Variants in RAD51B observed in about 807,000 individuals in gnomAD.
RAD51B encodes DNA repair protein RAD51 homolog 2.
Under a neutral mutation model 42.2 loss-of-function variants are expected in RAD51B, and 38 were observed. That is an observed-to-expected ratio of 0.90 (90% confidence interval 0.70 to 1.18). RAD51B has a LOEUF of 1.18. Among genes scored for constraint, RAD51B ranks in the 50% most tolerant of loss-of-function variants. The pLI, the probability that RAD51B is intolerant of heterozygous loss-of-function variation, is 0.00. For missense variants in RAD51B, 373 were observed against 400.7 expected (o/e 0.93, Z 0.59); for synonymous variants, 154 against 145.2 (o/e 1.06, Z -0.43).
intron 4 of RAD51B, among the ~76,000 whole-genome samples, chr14:67,862,114 CTAGAAGAG>C (rs925076305): frequency 6.6e-6 from 1 of 151,588 alleles, no homozygotes; most frequent in Non-Finnish European, 1.5e-5. Context: ...TTTCAAATTG[CTAGAAGAG>C]TAGATTTTAA....
At chr14:67,968,171 C>T (rs1376085997) in intron 7 of RAD51B, among the ~76,000 whole-genome samples, 1 of 152,204 alleles carries the variant, frequency 6.6e-6, no homozygotes, top group East Asian at 1.9e-4. Context: ...GCACCAAGTC[C>T]CTAGGCTGCA....
chr14:68,353,308 T>C (rs75483291), intron 8 of RAD51B, among the ~76,000 whole-genome samples: 2,378 of 152,196 alleles, frequency 0.016, 58 homozygotes, highest in African/African-American at 0.055. Context: ...TTGGGGGTAA[T>C]AGTGGATTTA....
intron 7 of RAD51B, among the ~76,000 whole-genome samples, chr14:68,016,360 A>G (rs751431625): frequency 1.3e-5 from 2 of 152,124 alleles, no homozygotes; most frequent in Non-Finnish European, 2.9e-5. Flanking sequence ...CACCAACATG[A>G]TACAACTAGA....
chr14:68,522,596 T>G (rs953993280), intron 10 of RAD51B, among the ~76,000 whole-genome samples: 2 of 152,192 alleles, frequency 1.3e-5, no homozygotes, highest in African/African-American at 2.4e-5. Flanking sequence ...CCGGCTCGTG[T>G]GTGGAAGACA....
intron 4 of RAD51B, among the ~76,000 whole-genome samples, chr14:67,856,755 C>T (rs937013026): frequency 6.6e-6 from 1 of 152,034 alleles, no homozygotes; most frequent in African/African-American, 2.4e-5. Flanking sequence ...TACAATTAGA[C>T]CTTTTCTTGG....
At chr14:68,098,239 T>C (rs1451187472) in intron 7 of RAD51B, among the ~76,000 whole-genome samples, 1 of 152,256 alleles carries the variant, frequency 6.6e-6, no homozygotes, top group Non-Finnish European at 1.5e-5. Flanking sequence ...AATAAGTCTG[T>C]AGCTTATAGT....
At chr14:68,627,027 C>T (rs1275698344) in intron 10 of RAD51B, 1 of 152,192 alleles carries the variant, frequency 6.6e-6, no homozygotes, top group African/African-American at 2.4e-5. Flanking sequence ...GTTTTCTTAC[C>T]TCATACCCCA....
At chr14:68,391,136 G>GTCTGTCTTTCTTTCTTTCTT (rs1555402752) in intron 8 of RAD51B, among the ~76,000 whole-genome samples, 5 of 141,558 alleles carry the variant, frequency 3.5e-5, no homozygotes, top group Non-Finnish European at 6.1e-5. Context: ...TATGAGACTT[G>GTCTGTCTTTCTTTCTTTCTT]TCTTTCTTTC....
At chr14:68,166,556 A>G (rs1391757598) in intron 7 of RAD51B, among the ~76,000 whole-genome samples, 1 of 152,196 alleles carries the variant, frequency 6.6e-6, no homozygotes, top group African/African-American at 2.4e-5. Flanking sequence ...TTTCATCTTC[A>G]AAAGTGTCTT....
intron 7 of RAD51B, among the ~76,000 whole-genome samples, chr14:67,956,996 A>G (rs1379574518): frequency 6.6e-6 from 1 of 152,200 alleles, no homozygotes; most frequent in South Asian, 2.1e-4. Flanking sequence ...TTAAATGCCT[A>G]CCATATGCCA....
intron 7 of RAD51B, among the ~76,000 whole-genome samples, chr14:68,045,857 TA>T (rs1348130424): frequency 6.6e-6 from 1 of 152,104 alleles, no homozygotes; most frequent in Non-Finnish European, 1.5e-5. Flanking sequence ...AGAAAAGATT[TA>T]TTTTTTTTAG....
intron 7 of RAD51B, among the ~76,000 whole-genome samples, chr14:68,244,385 G>A (rs187273354): frequency 1.3e-5 from 2 of 152,332 alleles, no homozygotes; most frequent in Admixed American, 1.3e-4. Flanking sequence ...CAAAAGATCT[G>A]TAGGGCAGGA....
Position 68,141,452 on chromosome 14 carries a change from G to A in RAD51B, c.757-150432G>A, listed in dbSNP as rs138325990. Among the ~76,000 whole-genome samples, 14 of 152,288 alleles carry A rather than the reference G, an allele frequency of 9.2e-5. No homozygotes were observed. In the East Asian group the frequency reaches 2.7e-3, roughly 29 times the overall value. On this transcript the variant is annotated intron_variant, in intron 7 of 10. Coordinates refer to ENST00000471583, the MANE Select transcript of RAD51B (RefSeq NM_133510.4). ...AAAGAATATACTACTAAAGCAAAATGATAAATTCCCTGGCAAGAGAGACCA... is the reference window on the plus strand; with the variant it reads ...AAAGAATATACTACTAAAGCAAAATAATAAATTCCCTGGCAAGAGAGACCA...
chr14:68,494,641 G>A (rs915310211), intron 10 of RAD51B, among the ~76,000 whole-genome samples: 8 of 152,010 alleles, frequency 5.3e-5, no homozygotes, highest in African/African-American at 7.3e-5. Flanking sequence ...CCTTCAAGTC[G>A]GGTTTGTTAC....
intron 7 of RAD51B, among the ~76,000 whole-genome samples, chr14:68,024,204 T>A (rs2140355991): frequency 6.6e-6 from 1 of 152,306 alleles, no homozygotes; most frequent in Non-Finnish European, 1.5e-5. Context: ...GATCTATGTG[T>A]TTTTATACCA....
intron 9 of RAD51B, among the ~76,000 whole-genome samples, chr14:68,448,107 G>A (rs2085464821): frequency 6.6e-6 from 1 of 152,212 alleles, no homozygotes; most frequent in South Asian, 2.1e-4. Flanking sequence ...ATACTGAGGA[G>A]GACCTTCCAA....
At chr14:68,093,574 A>G (rs2077140579) in intron 7 of RAD51B, among the ~76,000 whole-genome samples, 1 of 151,830 alleles carries the variant, frequency 6.6e-6, no homozygotes, top group Non-Finnish European at 1.5e-5. Context: ...TATTGTGTCT[A>G]TTTGATTCAT....
chr14:68,680,837 A>G (rs909307062), intron 11 of RAD51B, among the ~76,000 whole-genome samples: 5 of 152,066 alleles, frequency 3.3e-5, no homozygotes, highest in African/African-American at 4.8e-5. Context: ...TGAGGCCCAG[A>G]GGCGTTCATA....
chr14:68,494,019 T>A (rs528410481), intron 10 of RAD51B, among the ~76,000 whole-genome samples: 15 of 152,286 alleles, frequency 9.8e-5, no homozygotes, highest in African/African-American at 3.6e-4. Flanking sequence ...CTCATGCCTG[T>A]AATCCCAGCA....
Sources: gnomAD v4.1 joint callset for allele counts (sites outside exome capture counted in the v4.1 genomes callset) on GRCh38, gnomAD v4.1.1 for gene constraint, MANE v1.5 for transcripts, NCBI Gene and HGNC (gene_info 2026-07-23, HGNC 2026-07-21) for gene names.